Variants in ABCA13 observed in about 807,000 individuals in gnomAD.
ABCA13 encodes the protein ATP binding cassette subfamily A member 13.
ABCA13 carries 476 observed loss-of-function variants against 478.7 expected under a neutral mutation model. That is an observed-to-expected ratio of 0.99 (90% confidence interval 0.92 to 1.07). The LOEUF is 1.07. Ranked by LOEUF, ABCA13 falls within the 50% of genes least tolerant of loss-of-function variation. The pLI, the probability that ABCA13 is intolerant of heterozygous loss-of-function variation, is 0.00. For missense variants in ABCA13, 6,060 were observed against 5,910.6 expected (o/e 1.03, Z -0.83); for synonymous variants, 2,252 against 2,158.9 (o/e 1.04, Z -1.20).
chr7:48,645,565 C>T lies in ABCA13; in HGVS notation c.*53C>T. The T allele has an allele frequency of 6.9e-7, 1 of 1,443,076 alleles. No homozygotes were observed. Among genetic ancestry groups the T allele is most frequent in the South Asian group, 1.2e-5 (1 of 80,184 alleles). The allele number at this position is 1,443,076 out of a possible 1,614,324, so 89.4% of individuals were successfully genotyped here. On this transcript the variant is annotated 3_prime_UTR_variant, in exon 62 of 62. Transcript: ENST00000435803. The stretch of plus-strand genomic sequence containing the variant: ...AAACCTTGTCTTCCATTACAATTAA[C>T]AGTCAAGGATAAAACAAGCACGCGC...
At chr7:48,552,415 A>C (rs1785407546) in intron 55 of ABCA13, among the ~76,000 whole-genome samples, 1 of 151,814 alleles carries the variant, frequency 6.6e-6, no homozygotes, top group Non-Finnish European at 1.5e-5. Context: ...GATGTTGATC[A>C]ACAGCAATGG....
chr7:48,243,198 G>C (rs1791124356), intron 10 of ABCA13: 1 of 152,270 alleles, frequency 6.6e-6, no homozygotes, highest in Admixed American at 6.5e-5. Flanking sequence ...ATAGTCCCTA[G>C]GGTCTGGCCA....
At position 48,275,588 on chromosome 7, in the gene ABCA13, T is replaced by G; in HGVS notation, c.5922T>G (p.Leu1974=). Residue 1974 remains leucine (L), a synonymous_variant, in exon 17 of 62, where the codon CTT becomes CTG. Transcript: ENST00000435803. ...AAGTTACATCAGGTGAAAATATTCT[T>G]GACAAACTAAGTAGTTTAAACAAGA... is the stretch of plus-strand genomic sequence containing the variant. ...FTKVTSGENI[L]DKLSSLNKIL... 1.2e-6 allele frequency: 2 copies of G among 1,612,972 alleles called. No homozygotes were observed. Among genetic ancestry groups the G allele is most frequent in the Non-Finnish European group, 1.7e-6 (2 of 1,179,368 alleles).
chr7:48,250,277 G>A (rs1792345048), intron 15 of ABCA13, among the ~76,000 whole-genome samples: 1 of 152,046 alleles, frequency 6.6e-6, no homozygotes, highest in African/African-American at 2.4e-5. Flanking sequence ...CTGTCCTTTT[G>A]GGTTTTTATG....
chr7:48,465,496 G>C (rs1402444671), intron 43 of ABCA13, among the ~76,000 whole-genome samples: 1 of 148,826 alleles, frequency 6.7e-6, no homozygotes, highest in Admixed American at 6.7e-5. Flanking sequence ...GTTACAGATT[G>C]CTCTGTGGTT....
At chr7:48,366,991 G>A (rs560349884) in intron 31 of ABCA13, among the ~76,000 whole-genome samples, 179 of 152,146 alleles carry the variant, frequency 1.2e-3, no homozygotes, top group African/African-American at 4.2e-3. Flanking sequence ...CCAGTAACAC[G>A]GCTTGTACCT....
At position 48,283,847 on chromosome 7, in the gene ABCA13, C is replaced by T. The variant is rs75091524; in HGVS notation, c.8836+2395C>T. Among the ~76,000 whole-genome samples, 916 of 152,256 alleles carry T rather than the reference C, an allele frequency of 6.0e-3. 3 individuals carry two copies. Among genetic ancestry groups the T allele is most frequent in the Middle Eastern group, 0.014 (4 of 294 alleles). On this transcript the variant is annotated intron_variant, in intron 19 of 61. Transcript: ENST00000435803. ...GAAGTGCTGTAATGGAAGAAGCAGG[C>T]GCTTTGAGATTGAACAGGCTGAGTT...
At chr7:48,546,566 TAAGAC>T (rs752971077) in intron 55 of ABCA13, among the ~76,000 whole-genome samples, 7 of 146,448 alleles carry the variant, frequency 4.8e-5, no homozygotes, top group Non-Finnish European at 1.0e-4. Context: ...TATAAACTCT[TAAGAC>T]AAAAGCCTTT....
chr7:48,335,887 T>A (rs1806182215), intron 28 of ABCA13, among the ~76,000 whole-genome samples: 1 of 152,204 alleles, frequency 6.6e-6, no homozygotes. Flanking sequence ...TAACTTAATA[T>A]TTTTAAAAGG....
At position 48,239,414 on chromosome 7, in the gene ABCA13, C is replaced by G. The variant is rs537956232; in HGVS notation, c.1062+9C>G. ...TGCGAGTCTACCAACAGGTGCTGTC[C>G]CCTCTCTCTATGTTCTGTTCAAAGG... On this transcript the variant is annotated intron_variant, in intron 9 of 61. Coordinates refer to ENST00000435803, the MANE Select transcript of ABCA13 (RefSeq NM_152701.5). 2 of 1,608,306 alleles carry G rather than the reference C, an allele frequency of 1.2e-6. No homozygotes were observed. Among genetic ancestry groups the G allele is most frequent in the Non-Finnish European group, 1.7e-6 (2 of 1,177,118 alleles).
At chr7:48,589,104 C>T (rs1441270021) in intron 57 of ABCA13, among the ~76,000 whole-genome samples, 1 of 152,156 alleles carries the variant, frequency 6.6e-6, no homozygotes, top group African/African-American at 2.4e-5. Flanking sequence ...GTTTAGTACT[C>T]CCTGGCTAAT....
At chr7:48,470,840 C>T (rs959377680) in intron 44 of ABCA13, among the ~76,000 whole-genome samples, 3 of 152,142 alleles carry the variant, frequency 2.0e-5, no homozygotes, top group Non-Finnish European at 2.9e-5. Context: ...AAATATCTAG[C>T]CGGTGCTTGT....
intron 2 of ABCA13, among the ~76,000 whole-genome samples, chr7:48,195,180 G>A (rs1175247534): frequency 1.3e-5 from 2 of 152,230 alleles, no homozygotes; most frequent in East Asian, 1.9e-4. Flanking sequence ...AGATGTGGCT[G>A]AAGTAGTAAG....
intron 48 of ABCA13, among the ~76,000 whole-genome samples, chr7:48,492,547 T>A (rs2130722355): frequency 6.6e-6 from 1 of 152,290 alleles, no homozygotes; most frequent in Non-Finnish European, 1.5e-5. Context: ...TGTTGGAAAC[T>A]TGGTCCGCAG....
intron 57 of ABCA13, among the ~76,000 whole-genome samples, chr7:48,593,195 GTGTTGGTA>G (rs1789933420): frequency 7.5e-6 from 1 of 133,148 alleles, no homozygotes; most frequent in South Asian, 2.3e-4. Flanking sequence ...ATTTTTTTTT[GTGTTGGTA>G]TGTTGGTATG....
chr7:48,281,227 TGCAG>T, intron 18 of ABCA13, 112 bp from the exon 19 acceptor site: 1 of 792,232 alleles, frequency 1.3e-6, no homozygotes, highest in Non-Finnish European at 2.1e-6. Flanking sequence ...AATATGATTA[TGCAG>T]GGAGGGAGGA....
chr7:48,530,102 G>A (rs935706701), intron 55 of ABCA13, among the ~76,000 whole-genome samples: 2 of 151,944 alleles, frequency 1.3e-5, no homozygotes, highest in African/African-American at 4.8e-5. Context: ...AAAATTCATT[G>A]TATCATTCTT....
intron 42 of ABCA13, among the ~76,000 whole-genome samples, chr7:48,454,270 T>C (rs1457989303): frequency 6.6e-6 from 1 of 152,140 alleles, no homozygotes; most frequent in Admixed American, 6.5e-5. Flanking sequence ...CAGCTTCTCA[T>C]CCACCCAGTG....
intron 57 of ABCA13, among the ~76,000 whole-genome samples, chr7:48,592,789 T>A (rs941899538): frequency 3.9e-5 from 6 of 152,052 alleles, no homozygotes; most frequent in African/African-American, 1.4e-4. Context: ...ACAATTACTC[T>A]TTTATCATTT....
Sources: gnomAD v4.1 joint callset for allele counts (sites outside exome capture counted in the v4.1 genomes callset) on GRCh38, gnomAD v4.1.1 for gene constraint, MANE v1.5 for transcripts, NCBI Gene and HGNC (gene_info 2026-07-23, HGNC 2026-07-21) for gene names.